Variants in PDE4D observed in about 807,000 individuals in gnomAD.
PDE4D encodes the protein phosphodiesterase 4D.
In PDE4D, 24 loss-of-function variants were observed where a neutral mutation model predicts 87.4. The observed-to-expected ratio is 0.27, with a 90% CI of 0.20 to 0.39. PDE4D has a LOEUF of 0.39. PDE4D is among the 10% of genes least tolerant of loss of function. PDE4D has a pLI of 1.00. For synonymous variants in PDE4D, 384 were observed against 383.2 expected (o/e 1.00, Z -0.02); for missense variants, 714 against 1,041.0 (o/e 0.69, Z 4.32).
chr5:59,185,061 G>T, intron 4 of PDE4D, 128 bp downstream of exon 4: 1 of 621,026 alleles, frequency 1.6e-6, no homozygotes, highest in South Asian at 2.2e-5. Flanking sequence ...GACATCATAT[G>T]ACTTAGTATA....
At chr5:59,199,837 T>G (rs1581329920) in intron 2 of PDE4D, among the ~76,000 whole-genome samples, 1 of 151,994 alleles carries the variant, frequency 6.6e-6, no homozygotes, top group Admixed American at 6.6e-5. Context: ...TGTGTGTATG[T>G]GTATATGTAT....
chr5:59,222,195 C>T (rs1166237112), intron 1 of PDE4D, among the ~76,000 whole-genome samples: 6 of 152,176 alleles, frequency 3.9e-5, no homozygotes, highest in African/African-American at 1.4e-4. Context: ...AATACAGTTC[C>T]AATCTACCTT....
At chr5:59,541,927 G>GCTGC (rs991362267) in intron 1 of PDE4D, among the ~76,000 whole-genome samples, 19 of 152,038 alleles carry the variant, frequency 1.2e-4, no homozygotes, top group African/African-American at 4.6e-4. Flanking sequence ...TTCTTCTCAG[G>GCTGC]CTGCCCATTC....
chr5:60,434,669 T>C (rs1013295228), intron 1 of PDE4D, among the ~76,000 whole-genome samples: 5 of 152,150 alleles, frequency 3.3e-5, no homozygotes, highest in Non-Finnish European at 7.4e-5. Context: ...ATAGGCATCC[T>C]AATGGTTTTT....
At chr5:59,135,953 A>C (rs1777003655) in intron 5 of PDE4D, among the ~76,000 whole-genome samples, 1 of 147,364 alleles carries the variant, frequency 6.8e-6, no homozygotes, top group Non-Finnish European at 1.5e-5. Context: ...AAACAAGCAT[A>C]AAAGATACAG....
At chr5:60,140,149 T>C (rs2149417079) in intron 2 of PDE4D, among the ~76,000 whole-genome samples, 1 of 152,218 alleles carries the variant, frequency 6.6e-6, no homozygotes, top group South Asian at 2.1e-4. Context: ...CTTGAAGCAA[T>C]TAATTGTTGC....
chr5:59,636,919 T>G (rs892056739), intron 1 of PDE4D, among the ~76,000 whole-genome samples: 2 of 152,048 alleles, frequency 1.3e-5, no homozygotes, highest in African/African-American at 4.8e-5. Flanking sequence ...CTAACTAAAC[T>G]AAAGAGCTTC....
intron 5 of PDE4D, among the ~76,000 whole-genome samples, chr5:59,094,790 T>C (rs973063186): frequency 5.9e-5 from 9 of 152,136 alleles, no homozygotes; most frequent in African/African-American, 2.2e-4. Context: ...CTGAATAGTA[T>C]ATAGAAAAGA....
At chr5:60,304,246 C>A (rs991521284) in intron 1 of PDE4D, 2 of 123,226 alleles carry the variant, frequency 1.6e-5, no homozygotes, top group Admixed American at 7.6e-5. Context: ...ACCATTCCAG[C>A]GTATTTAAGA....
At chr5:60,237,196 T>G (rs1168443945) in intron 1 of PDE4D, among the ~76,000 whole-genome samples, 3 of 151,952 alleles carry the variant, frequency 2.0e-5, no homozygotes, top group African/African-American at 7.2e-5. Context: ...GAAAATAGTT[T>G]GAAAACTCTG....
chr5:60,221,742 A>G (rs113348463), intron 1 of PDE4D, among the ~76,000 whole-genome samples: 1 of 152,102 alleles, frequency 6.6e-6, no homozygotes. Context: ...ACTCAGAATA[A>G]TATTTCTGAA....
Position 59,644,461 on chromosome 5 carries a change from T to G in PDE4D, c.455+248707A>C, listed in dbSNP as rs557672186. 2.6e-5 allele frequency among the ~76,000 whole-genome samples: 4 copies of G among 152,292 alleles called. No homozygotes were observed. The South Asian group carries it at 6.2e-4, about 24-fold the overall frequency. Reference sequence around the variant, plus strand: ...AGAACAACAGGAGCAAATCTGGTATTACAGTATGTGGGCTGCAAATATAAC... The same window carrying G: ...AGAACAACAGGAGCAAATCTGGTATGACAGTATGTGGGCTGCAAATATAAC... On this transcript the variant is annotated intron_variant, in intron 1 of 14. Coordinates refer to ENST00000340635, the MANE Select transcript of PDE4D (RefSeq NM_001104631.2).
intron 1 of PDE4D, among the ~76,000 whole-genome samples, chr5:60,377,765 C>T (rs1761542227): frequency 6.6e-6 from 1 of 151,916 alleles, no homozygotes; most frequent in Non-Finnish European, 1.5e-5. Context: ...AATTAAATGA[C>T]GTTTCATCAT....
At chr5:59,469,342 C>CA (rs1305361476) in intron 1 of PDE4D, among the ~76,000 whole-genome samples, 22 of 151,872 alleles carry the variant, frequency 1.4e-4, no homozygotes, top group African/African-American at 5.1e-4. Flanking sequence ...AACAAACAAA[C>CA]AAACAAACAA....
chr5:59,283,551 C>T (rs1156803266), intron 1 of PDE4D, among the ~76,000 whole-genome samples: 1 of 152,082 alleles, frequency 6.6e-6, no homozygotes, highest in Non-Finnish European at 1.5e-5. Context: ...TGCTATTCAG[C>T]TTTGCCCTTG....
chr5:59,215,552 CGTGTGTGTGTGTGTGT>C (rs10693866), intron 2 of PDE4D: 6 of 364,212 alleles, frequency 1.6e-5, no homozygotes, highest in Middle Eastern at 7.6e-4. Flanking sequence ...TAAATACATG[CGTGTGTGTGTGTGTGT>C]GTGTGTGTGT....
At chr5:60,117,057 A>T (rs1778237343) in intron 2 of PDE4D, among the ~76,000 whole-genome samples, 1 of 149,008 alleles carries the variant, frequency 6.7e-6, no homozygotes, top group South Asian at 2.1e-4. Flanking sequence ...AAAAAAAAAA[A>T]TATTTCCTTC....
At chr5:60,053,471 G>A (rs1042934721) in intron 2 of PDE4D, among the ~76,000 whole-genome samples, 4 of 152,100 alleles carry the variant, frequency 2.6e-5, no homozygotes, top group African/African-American at 7.2e-5. Flanking sequence ...ATGGTGTTGG[G>A]GAAACTGGCT....
chr5:59,729,814 A>C (rs920776652), intron 1 of PDE4D, among the ~76,000 whole-genome samples: 3 of 152,126 alleles, frequency 2.0e-5, no homozygotes, highest in African/African-American at 7.2e-5. Context: ...ATTAATTAAA[A>C]ATACCACTCT....
Sources: allele counts gnomAD v4.1 joint callset (sites outside exome capture counted in the v4.1 genomes callset), GRCh38; gene constraint gnomAD v4.1.1; transcripts MANE v1.5; gene names NCBI Gene and HGNC (gene_info 2026-07-23, HGNC 2026-07-21).